UBE2W: variants seen among roughly 807,000 people sequenced by gnomAD.
The protein encoded by UBE2W is ubiquitin-conjugating enzyme E2 W.
In UBE2W, 18 loss-of-function variants were observed where a neutral mutation model predicts 27.2. That is an observed-to-expected ratio of 0.66 (90% confidence interval 0.46 to 0.98). UBE2W has a LOEUF of 0.98. Among genes scored for constraint, UBE2W ranks in the 50% least tolerant of loss-of-function variants. The pLI is 0.00. For missense variants in UBE2W, 90 were observed against 180.2 expected (o/e 0.50, Z 2.87); for synonymous variants, 53 against 57.2 (o/e 0.93, Z 0.33).
intron 4 of UBE2W, among the ~76,000 whole-genome samples, 165 bp downstream of exon 4, chr8:73,810,309 G>T (rs1007560271): frequency 2.0e-5 from 3 of 152,058 alleles, no homozygotes; most frequent in African/African-American, 7.2e-5. Flanking sequence ...GGAATGAAAG[G>T]TATCAAAATA....
intron 1 of UBE2W, among the ~76,000 whole-genome samples, chr8:73,870,934 C>T (rs1417685059): frequency 6.6e-6 from 1 of 151,176 alleles, no homozygotes; most frequent in African/African-American, 2.4e-5. Context: ...GACAATAAGG[C>T]TACAGAGACA....
intron 2 of UBE2W, among the ~76,000 whole-genome samples, chr8:73,828,993 G>C (rs957240358): frequency 2.0e-5 from 3 of 151,902 alleles, no homozygotes; most frequent in African/African-American, 7.3e-5. Flanking sequence ...CTATTTTATA[G>C]CCTAGAAGAT....
chr8:73,851,048 G>A lies in UBE2W; in HGVS notation c.16-20576C>T, dbSNP rs548768089. Reference sequence around the variant, plus strand: ...CTAATTTTTGTAGAGATAGGATTGCGCCATGTTGCCCAGGCTGGTCTTGAA... The same window carrying A: ...CTAATTTTTGTAGAGATAGGATTGCACCATGTTGCCCAGGCTGGTCTTGAA... On this transcript the variant is annotated intron_variant, in intron 1 of 5. Coordinates refer to ENST00000602593, the MANE Select transcript of UBE2W (RefSeq NM_018299.6). Among the ~76,000 whole-genome samples, 8 of 151,714 alleles carry A rather than the reference G, an allele frequency of 5.3e-5. No individual in the cohort carries two copies. In the East Asian group the frequency reaches 9.7e-4, roughly 18 times the overall value.
intron 3 of UBE2W, among the ~76,000 whole-genome samples, chr8:73,815,004 G>C (rs1438518833): frequency 6.6e-6 from 1 of 152,068 alleles, no homozygotes; most frequent in East Asian, 1.9e-4. Flanking sequence ...GTAATTTTTG[G>C]GTACTGTGAA....
Position 73,787,624 on chromosome 8 carries a change from A to G in UBE2W, c.*6478T>C. On this transcript the variant is annotated 3_prime_UTR_variant, in exon 6 of 6. Coordinates refer to ENST00000602593, the MANE Select transcript of UBE2W (RefSeq NM_018299.6). ...AAAAGCTTAGAATTACCAGCAGAGCATATTTAATTCCTCCTGTCAGGAATA... is the reference window on the plus strand; with the variant it reads ...AAAAGCTTAGAATTACCAGCAGAGCGTATTTAATTCCTCCTGTCAGGAATA... The G allele has an allele frequency of 2.0e-6, 2 of 985,436 alleles. No homozygotes were observed. Among genetic ancestry groups the G allele is most frequent in the Non-Finnish European group, 2.4e-6 (2 of 829,928 alleles). 61.0% of individuals were successfully genotyped at this position (985,436 alleles called of 1,614,324 possible).
In UBE2W at chr8:73,788,303, T is replaced by A. The variant is rs1018260090; in HGVS notation, c.*5799A>T. ...CTTTACATATTTTGCAACTTGAGTT[T>A]ATAAAATATATACATCCACCCTATT... On this transcript the variant is annotated 3_prime_UTR_variant, in exon 6 of 6. Coordinates refer to ENST00000602593, the MANE Select transcript of UBE2W (RefSeq NM_018299.6). 1 of 984,686 alleles carries A rather than the reference T, an allele frequency of 1.0e-6. No individual in the cohort carries two copies. Among genetic ancestry groups the A allele is most frequent in the African/African-American group, 1.7e-5 (1 of 57,250 alleles). The allele number at this position is 984,686 out of a possible 1,614,324, so 61.0% of individuals were successfully genotyped here.
At chr8:73,873,034 T>A (rs762059817) in intron 1 of UBE2W, among the ~76,000 whole-genome samples, 5 of 151,846 alleles carry the variant, frequency 3.3e-5, no homozygotes, top group Non-Finnish European at 5.9e-5. Context: ...GCCTCTCAAA[T>A]AACTGGGATT....
intron 1 of UBE2W, among the ~76,000 whole-genome samples, chr8:73,872,485 C>G (rs549094303): frequency 1.1e-4 from 17 of 152,200 alleles, no homozygotes; most frequent in African/African-American, 3.9e-4. Flanking sequence ...TCTTCATATT[C>G]TTTATAAAAA....
At position 73,793,711 on chromosome 8, in the gene UBE2W, G is replaced by A. The variant is rs879571410; in HGVS notation, c.*391C>T. 9.2e-5 allele frequency: 92 copies of A among 999,734 alleles called. No individual in the cohort carries two copies. Among genetic ancestry groups the A allele is most frequent in the Admixed American group, 1.2e-4 (2 of 16,912 alleles). 61.9% of individuals were successfully genotyped at this position (999,734 alleles called of 1,614,324 possible). A position where few individuals can be genotyped will look rare whatever the true frequency, so the allele number is the denominator to read the frequency against. ...TCATGCATTAATCATTGAATGGCAG[G>A]AGTTAATGAAAACTTTTCCTGTTAC... On this transcript the variant is annotated 3_prime_UTR_variant, in exon 6 of 6. Transcript: ENST00000602593.
At chr8:73,850,224 G>T (rs1011873489) in intron 1 of UBE2W, among the ~76,000 whole-genome samples, 1 of 152,166 alleles carries the variant, frequency 6.6e-6, no homozygotes, top group African/African-American at 2.4e-5. Context: ...ACCATAAGGA[G>T]TATCTTTCAC....
At chr8:73,805,764 A>G in intron 4 of UBE2W, 38 bp from the exon 5 acceptor site, 1 of 1,250,996 alleles carries the variant, frequency 8.0e-7, no homozygotes, top group Non-Finnish European at 1.1e-6. Flanking sequence ...TGAAAAACAG[A>G]AAAACTGAGA....
At chr8:73,813,869 C>T (rs1160225891) in intron 3 of UBE2W, among the ~76,000 whole-genome samples, 1 of 151,862 alleles carries the variant, frequency 6.6e-6, no homozygotes, top group Non-Finnish European at 1.5e-5. Flanking sequence ...TCTCCTGCCT[C>T]AGCCTCCACC....
At chr8:73,855,158 T>C (rs1180767680) in intron 1 of UBE2W, among the ~76,000 whole-genome samples, 2 of 152,218 alleles carry the variant, frequency 1.3e-5, no homozygotes, top group African/African-American at 4.8e-5. Flanking sequence ...TCCATAGTGT[T>C]TGATTCAAAG....
At chr8:73,815,923 A>T (rs1809367381) in intron 3 of UBE2W, among the ~76,000 whole-genome samples, 1 of 152,250 alleles carries the variant, frequency 6.6e-6, no homozygotes, top group African/African-American at 2.4e-5. Context: ...ACATAAACTG[A>T]ACATACAAGC....
chr8:73,866,268 TAAAAAAAAAA>T (rs10568367), intron 1 of UBE2W, among the ~76,000 whole-genome samples: 1 of 42,300 alleles, frequency 2.4e-5, no homozygotes, highest in African/African-American at 7.6e-5. Context: ...AGACTTGGTC[TAAAAAAAAAA>T]AAAAAAAAAA....
intron 5 of UBE2W, among the ~76,000 whole-genome samples, chr8:73,802,444 CTT>C (rs1346930836): frequency 6.6e-6 from 1 of 151,386 alleles, no homozygotes; most frequent in Non-Finnish European, 1.5e-5. Flanking sequence ...TTTTTTCAAA[CTT>C]TATAACGATA....
intron 2 of UBE2W, among the ~76,000 whole-genome samples, chr8:73,826,971 C>A (rs1472223345): frequency 1.3e-5 from 2 of 152,174 alleles, no homozygotes; most frequent in Non-Finnish European, 2.9e-5. Context: ...AAATTCCTTT[C>A]TTATTTTTCC....
chr8:73,868,273 A>C (rs1309715619), intron 1 of UBE2W, among the ~76,000 whole-genome samples: 1 of 152,216 alleles, frequency 6.6e-6, no homozygotes, highest in African/African-American at 2.4e-5. Context: ...CTAAGTAATG[A>C]AGCCTTGTAA....
intron 1 of UBE2W, among the ~76,000 whole-genome samples, chr8:73,868,055 G>T (rs1811852906): frequency 6.6e-6 from 1 of 152,192 alleles, no homozygotes; most frequent in Non-Finnish European, 1.5e-5. Context: ...TGGAATCTTG[G>T]AAGTTATAAA....
Sources: gnomAD v4.1 joint callset for allele counts (sites outside exome capture counted in the v4.1 genomes callset) on GRCh38, gnomAD v4.1.1 for gene constraint, MANE v1.5 for transcripts, NCBI Gene and HGNC (gene_info 2026-07-23, HGNC 2026-07-21) for gene names.